Variants in NLGN4X observed in about 807,000 individuals in gnomAD.
NLGN4X encodes neuroligin-4, X-linked.
In NLGN4X, 3 loss-of-function variants were observed where a neutral mutation model predicts 40.3. The observed-to-expected ratio is 0.07, with a 90% CI of 0.03 to 0.19. The LOEUF (loss-of-function observed/expected upper bound fraction) is 0.19, where lower values mean the gene tolerates loss of function less well. NLGN4X is among the 10% of genes least tolerant of loss of function. NLGN4X has a pLI of 1.00. For synonymous variants in NLGN4X, 270 were observed against 306.8 expected, an observed-to-expected ratio of 0.88 and a Z score of 1.25; for missense variants, 382 against 708.3, an observed-to-expected ratio of 0.54 and a Z score of 5.23.
At chrX:6,099,843 C>T (rs889726919) in intron 2 of NLGN4X, among the ~76,000 whole-genome samples, 16 of 111,556 alleles carry the variant, frequency 1.4e-4, no homozygotes, top group African/African-American at 5.2e-4. Context: ...TCTGTTAAGC[C>T]AGTAGAAAAT....
At chrX:5,960,241 AAT>A (rs1276094521) in intron 3 of NLGN4X, among the ~76,000 whole-genome samples, 1 of 87,875 alleles carries the variant, frequency 1.1e-5, no homozygotes, top group African/African-American at 4.1e-5. Flanking sequence ...TAGTATAATT[AAT>A]ATGATGCCAA....
Position 5,892,747 on chromosome X carries a change from T to C in NLGN4X, c.*70A>G. 1 of 1,171,690 alleles carries C rather than the reference T, an allele frequency of 8.5e-7. No individual in the cohort carries two copies. Among genetic ancestry groups the C allele is most frequent in the South Asian group, 1.8e-5 (1 of 54,810 alleles). ...CTTTCTTTCTCTCTCTCTTTCCTTC[T>C]CTCTTTCCTTCCCTCTTCTATGTTG... On this transcript the variant is annotated 3_prime_UTR_variant, in exon 6 of 6. Coordinates refer to ENST00000381095, the MANE Select transcript of NLGN4X (RefSeq NM_181332.3).
chrX:6,117,797 G>C (rs2039336114), intron 2 of NLGN4X, among the ~76,000 whole-genome samples: 2 of 112,094 alleles, frequency 1.8e-5, no homozygotes. Context: ...CATATGAGTG[G>C]ATGTGCAATG....
chrX:5,958,408 A>G (rs1003321193), intron 3 of NLGN4X, among the ~76,000 whole-genome samples: 5 of 111,549 alleles, frequency 4.5e-5, no homozygotes, highest in Non-Finnish European at 3.8e-5. Context: ...AAATTTAAGA[A>G]TAGCAAGTCC....
chrX:5,951,308 T>C (rs2034303816), intron 3 of NLGN4X, among the ~76,000 whole-genome samples: 2 of 111,731 alleles, frequency 1.8e-5, no homozygotes, highest in Non-Finnish European at 3.8e-5. Flanking sequence ...CTTTGAGCCA[T>C]TTTTCTGACA....
chrX:5,980,927 G>A (rs1338198835), intron 3 of NLGN4X, among the ~76,000 whole-genome samples: 10 of 111,643 alleles, frequency 9.0e-5, no homozygotes, highest in African/African-American at 3.3e-4. Context: ...GTTAATTTAT[G>A]TATTTTCTAA....
chrX:6,013,083 G>GA (rs201734328), intron 3 of NLGN4X, among the ~76,000 whole-genome samples: 14 of 109,699 alleles, frequency 1.3e-4, no homozygotes, highest in African/African-American at 4.0e-4. Context: ...AAGACCTAAA[G>GA]AAAAAAAAAT....
intron 4 of NLGN4X, among the ~76,000 whole-genome samples, chrX:5,907,689 G>A (rs140278702): frequency 5.7e-4 from 63 of 110,264 alleles, no homozygotes; most frequent in African/African-American, 2.0e-3. Context: ...GAGCTCCCAC[G>A]GGGACAAGCA....
At chrX:5,987,405 T>A (rs2035560193) in intron 3 of NLGN4X, among the ~76,000 whole-genome samples, 1 of 112,849 alleles carries the variant, frequency 8.9e-6, no homozygotes, top group South Asian at 3.6e-4. Context: ...ATGCACTGCT[T>A]TGAAGATGGA....
intron 2 of NLGN4X, among the ~76,000 whole-genome samples, chrX:6,053,819 A>T (rs1175104666): frequency 8.9e-6 from 1 of 112,532 alleles, no homozygotes; most frequent in African/African-American, 3.2e-5. Flanking sequence ...ACTCTATTTC[A>T]GTAGGATGCT....
At chrX:6,188,204 G>A (rs1403659068) in intron 1 of NLGN4X, among the ~76,000 whole-genome samples, 1 of 111,943 alleles carries the variant, frequency 8.9e-6, no homozygotes, top group Non-Finnish European at 1.9e-5. Context: ...TTTTTAAAAT[G>A]TCCATCAAGT....
intron 3 of NLGN4X, among the ~76,000 whole-genome samples, chrX:5,928,734 C>G (rs1269791327): frequency 2.7e-5 from 3 of 111,901 alleles, no homozygotes; most frequent in Non-Finnish European, 5.6e-5. Context: ...GCCCTTCCAA[C>G]CATCAGAAAA....
intron 3 of NLGN4X, among the ~76,000 whole-genome samples, chrX:5,917,176 A>G (rs1438735464): frequency 1.8e-5 from 2 of 112,468 alleles, no homozygotes; most frequent in Non-Finnish European, 3.8e-5. Context: ...GCCTGAGCAC[A>G]CCTTCCTGTG....
intron 1 of NLGN4X, among the ~76,000 whole-genome samples, chrX:6,155,591 C>T (rs1048726033): frequency 1.3e-4 from 14 of 111,873 alleles, no homozygotes; most frequent in African/African-American, 4.6e-4. Flanking sequence ...CACAAGTCCT[C>T]CATCCCTGCT....
rs35061904 is a variant in NLGN4X at position 6,121,149 on chromosome X, T to TACACACAC, written c.472+29838_472+29845dup. ...TTTAAAATACACACATATATATACA[T>TACACACAC]ACACACACACACACACACACACACA... On this transcript the variant is annotated intron_variant, in intron 2 of 5. Coordinates refer to ENST00000381095, the MANE Select transcript of NLGN4X (RefSeq NM_181332.3). Among the ~76,000 whole-genome samples, 601 of 102,501 alleles carry TACACACAC rather than the reference T, an allele frequency of 5.9e-3. 4 individuals carry two copies. Among genetic ancestry groups the TACACACAC allele is most frequent in the East Asian group, 0.021 (68 of 3,179 alleles). 89.0% of individuals were successfully genotyped at this position (102,501 alleles called of 115,157 possible).
At chrX:6,180,634 T>G in intron 1 of NLGN4X, among the ~76,000 whole-genome samples, 1 of 111,509 alleles carries the variant, frequency 9.0e-6, no homozygotes, top group Non-Finnish European at 1.9e-5. Context: ...CGTTCGAGTG[T>G]AATGCTGGGT....
chrX:5,969,356 G>T (rs926197777), intron 3 of NLGN4X, among the ~76,000 whole-genome samples: 1 of 111,290 alleles, frequency 9.0e-6, no homozygotes, highest in African/African-American at 3.3e-5. Flanking sequence ...ATCAAAAAGT[G>T]GGCAAAGGAT....
At position 6,029,343 on chromosome X, in the gene NLGN4X, T is replaced by C. The variant is rs1345103848; in HGVS notation, c.562A>G (p.Ser188Gly). Reference protein sequence around the residue: ...MEGTGNMIDGSILASYGNVIV... With the variant: ...MEGTGNMIDGGILASYGNVIV... ...ACGTTTCCGTAGCTTGCCAAAATGCTGCCGTCAATCATGTTGCCGGTGCCC... is the reference window on the plus strand; with the variant it reads ...ACGTTTCCGTAGCTTGCCAAAATGCCGCCGTCAATCATGTTGCCGGTGCCC... Residue 188 changes from serine to glycine, a missense_variant, in exon 3 of 6, where the codon AGC (serine) becomes GGC (glycine). By Grantham distance (56) the Ser-to-Gly change is moderately conservative. This residue lies in a region of NLGN4X where 115 missense variants were observed against 149.6 expected (regional missense o/e 0.77). Transcript: ENST00000381095. The C allele has an allele frequency of 1.7e-6, 2 of 1,209,417 alleles. No individual in the cohort carries two copies. The highest frequency in any genetic ancestry group is 2.2e-6 in the Non-Finnish European group (2 of 894,993).
At chrX:6,206,026 C>T (rs183362743) in intron 1 of NLGN4X, among the ~76,000 whole-genome samples, 1 of 111,762 alleles carries the variant, frequency 8.9e-6, no homozygotes, top group East Asian at 2.8e-4. Flanking sequence ...AATCATATAG[C>T]TTAGAAAGGC....
Sources: allele counts gnomAD v4.1 joint callset (sites outside exome capture counted in the v4.1 genomes callset), GRCh38; gene constraint gnomAD v4.1.1; regional missense constraint gnomAD v4.1.1; transcripts MANE v1.5; gene names NCBI Gene and HGNC (gene_info 2026-07-23, HGNC 2026-07-21).